SASH1: variants seen among roughly 807,000 people sequenced by gnomAD.
The protein encoded by SASH1 is SAM and SH3 domain-containing protein 1.
Under a neutral mutation model 125.2 loss-of-function variants are expected in SASH1, and 44 were observed. The ratio of observed to expected loss-of-function variants is 0.35; its 90% CI spans 0.28 to 0.45. SASH1 has a LOEUF of 0.45. SASH1 is among the 20% of genes least tolerant of loss of function. SASH1 has a pLI of 1.00. For missense variants in SASH1, 1,426 were observed against 1,614.5 expected (o/e 0.88, Z 2.00); for synonymous variants, 639 against 649.1 (o/e 0.98, Z 0.24).
intron 2 of SASH1, among the ~76,000 whole-genome samples, chr6:148,429,325 G>T (rs1240592885): frequency 6.8e-6 from 1 of 147,692 alleles, no homozygotes; most frequent in Non-Finnish European, 1.5e-5. Flanking sequence ...GGTCAAGGCT[G>T]CAGTGGACTA....
intron 8 of SASH1, chr6:148,513,202 G>A (rs1780248712): frequency 1.0e-6 from 1 of 985,324 alleles, no homozygotes; most frequent in Admixed American, 6.1e-5. Flanking sequence ...TTTGTATTCA[G>A]AGATGAGGCT....
chr6:148,244,989 AG>A, the SASH1 span, among the ~76,000 whole-genome samples: 1 of 134,108 alleles, frequency 7.5e-6, no homozygotes, highest in African/African-American at 2.7e-5. Flanking sequence ...AGAGAGAGAA[AG>A]ATTACAAGCT....
the SASH1 span, among the ~76,000 whole-genome samples, chr6:148,194,321 C>G: frequency 1.6e-4 from 25 of 152,204 alleles, no homozygotes; most frequent in Non-Finnish European, 2.9e-4. Flanking sequence ...CCCCACCCCC[C>G]ATTCCAGTGG....
intron 2 of SASH1, among the ~76,000 whole-genome samples, chr6:148,434,859 G>A (rs950295527): frequency 2.6e-5 from 4 of 152,064 alleles, no homozygotes; most frequent in Non-Finnish European, 5.9e-5. Context: ...TAAATTCTGC[G>A]TAGAATATGC....
intron 1 of SASH1, among the ~76,000 whole-genome samples, chr6:148,285,463 A>G (rs1264582418): frequency 6.6e-6 from 1 of 152,188 alleles, no homozygotes; most frequent in African/African-American, 2.4e-5. Flanking sequence ...GGCCCAGGGA[A>G]CACCACTTTC....
intron 1 of SASH1, among the ~76,000 whole-genome samples, chr6:148,389,265 A>G (rs371016213): frequency 1.3e-5 from 2 of 152,218 alleles, no homozygotes; most frequent in East Asian, 3.8e-4. Context: ...GTGATTATTC[A>G]GTGTTCCTCA....
chr6:148,233,742 C>CAAAAAAAAAAAAAAAAAAA, the SASH1 span, among the ~76,000 whole-genome samples: 906 of 60,458 alleles, frequency 0.015, 132 homozygotes, highest in South Asian at 0.025. Context: ...TTCCTCTCTA[C>CAAAAAAAAAAAAAAAAAAA]AAAAAAAAAA....
At chr6:148,363,303 T>A (rs186005980) in intron 1 of SASH1, among the ~76,000 whole-genome samples, 286 of 152,024 alleles carry the variant, frequency 1.9e-3, no homozygotes, top group African/African-American at 6.2e-3. Flanking sequence ...TCTTTATTTT[T>A]TTTATTTATT....
intron 15 of SASH1, among the ~76,000 whole-genome samples, chr6:148,534,207 C>T (rs1309782527): frequency 4.6e-5 from 7 of 152,148 alleles, no homozygotes; most frequent in South Asian, 2.1e-4. Context: ...GCGTAAGCCC[C>T]GGGTCAAACC....
At chr6:148,355,783 A>G (rs1414908007) in intron 1 of SASH1, among the ~76,000 whole-genome samples, 1 of 152,180 alleles carries the variant, frequency 6.6e-6, no homozygotes, top group East Asian at 1.9e-4. Context: ...GATTAGAATG[A>G]TCATATTTAC....
chr6:148,242,528 G>A, the SASH1 span, among the ~76,000 whole-genome samples: 9 of 152,234 alleles, frequency 5.9e-5, no homozygotes, highest in Middle Eastern at 3.4e-3. Flanking sequence ...TAAAGCGTCC[G>A]TTTGCATCTG....
the SASH1 span, among the ~76,000 whole-genome samples, chr6:148,232,058 C>T: frequency 6.6e-6 from 1 of 151,884 alleles, no homozygotes; most frequent in Non-Finnish European, 1.5e-5. Context: ...TCCTTGAACC[C>T]AATTCTGTTT....
At chr6:148,285,376 G>A (rs779472741) in intron 1 of SASH1, among the ~76,000 whole-genome samples, 5 of 152,170 alleles carry the variant, frequency 3.3e-5, no homozygotes, top group East Asian at 1.9e-4. Context: ...TGGTTGTGGC[G>A]TGTGTTAATC....
chr6:148,481,478 C>T (rs1475210226), intron 7 of SASH1, among the ~76,000 whole-genome samples: 1 of 152,168 alleles, frequency 6.6e-6, no homozygotes, highest in African/African-American at 2.4e-5. Context: ...TCAACGTGCC[C>T]TCCTCACTAA....
intron 8 of SASH1, among the ~76,000 whole-genome samples, chr6:148,499,292 TACTA>T (rs535745382): frequency 4.4e-4 from 67 of 152,306 alleles, no homozygotes; most frequent in African/African-American, 1.5e-3. Flanking sequence ...CACACCACAC[TACTA>T]ACTTTCTAAT....
chr6:148,215,920 C>A, the SASH1 span, among the ~76,000 whole-genome samples: 3 of 152,038 alleles, frequency 2.0e-5, no homozygotes, highest in African/African-American at 4.8e-5. Flanking sequence ...TGCAATGGTG[C>A]GATCTTGGTT....
At chr6:148,478,596 T>A (rs867125215) in intron 7 of SASH1, 1 of 152,212 alleles carries the variant, frequency 6.6e-6, no homozygotes, top group African/African-American at 2.4e-5. Context: ...TTAGAAAGAA[T>A]GAATAACATC....
chr6:148,545,884 T>C, intron 18 of SASH1, 131 bp from the exon 19 acceptor site: 1 of 837,914 alleles, frequency 1.2e-6, no homozygotes, highest in Middle Eastern at 2.7e-4. Flanking sequence ...GAGGCTGCAG[T>C]GAGCCATGAT....
intron 1 of SASH1, among the ~76,000 whole-genome samples, chr6:148,302,724 T>C (rs1780003024): frequency 8.1e-6 from 1 of 122,782 alleles, no homozygotes; most frequent in East Asian, 2.6e-4. Flanking sequence ...ATATATAATT[T>C]CTGTGTTTAT....
Sources: allele counts gnomAD v4.1 joint callset (sites outside exome capture counted in the v4.1 genomes callset), GRCh38; gene constraint gnomAD v4.1.1; transcripts MANE v1.5; gene names NCBI Gene and HGNC (gene_info 2026-07-23, HGNC 2026-07-21).